Variants in NIPAL3 observed in about 807,000 individuals in gnomAD.
NIPAL3 encodes NIPA-like protein 3.
A neutral mutation model predicts 47.2 loss-of-function variants in NIPAL3; 41 were observed. The ratio of observed to expected loss-of-function variants is 0.87; its 90% CI spans 0.68 to 1.13. NIPAL3 has a LOEUF of 1.13. Among genes scored for constraint, NIPAL3 ranks in the 50% most tolerant of loss-of-function variants. The pLI is 0.00. For missense variants in NIPAL3, 449 were observed against 530.1 expected (o/e 0.85, Z 1.50); for synonymous variants, 194 against 209.6 (o/e 0.93, Z 0.64).
intron 3 of NIPAL3, among the ~76,000 whole-genome samples, chr1:24,441,137 T>C (rs539475838): frequency 6.6e-6 from 1 of 152,270 alleles, no homozygotes; most frequent in South Asian, 2.1e-4. Context: ...CCGGCTTCAC[T>C]CCACCAGCAC....
chr1:24,419,318 CCT>C lies in NIPAL3; in HGVS notation c.-225_-224del. The C allele has an allele frequency of 3.2e-6, 4 of 1,248,934 alleles. No individual in the cohort carries two copies. The highest frequency in any genetic ancestry group is 2.6e-5 in the South Asian group (1 of 38,926). The allele number at this position is 1,248,934 out of a possible 1,614,324, so 77.4% of individuals were successfully genotyped here. A position where few individuals can be genotyped will look rare whatever the true frequency, so the allele number is the denominator to read the frequency against. On this transcript the variant is annotated 5_prime_UTR_variant, in exon 2 of 12. The change creates a premature stop within an existing upstream ORF in the 5' untranslated region. Transcript: ENST00000374399. Reference sequence around the variant, plus strand: ...CACCGCAAGAACTGGAAAACACACCCCTCTCTGTCTGCCTGGGAGAGCCACGG... The same window carrying C: ...CACCGCAAGAACTGGAAAACACACCCCTCTGTCTGCCTGGGAGAGCCACGG...
chr1:24,460,472 C>T lies in NIPAL3; in HGVS notation c.863-9C>T, dbSNP rs1185560604. The T allele has an allele frequency of 1.9e-6, 3 of 1,584,954 alleles. No homozygotes were observed. The highest frequency in any genetic ancestry group is 2.6e-6 in the Non-Finnish European group (3 of 1,168,046). Reference sequence around the variant, plus strand: ...GCTCAGCGGTATTTTCTATGATTTGCTGCTGCAGGTGCAATATTTTACCTG... The same window carrying T: ...GCTCAGCGGTATTTTCTATGATTTGTTGCTGCAGGTGCAATATTTTACCTG... On this transcript the variant is annotated splice_polypyrimidine_tract_variant and intron_variant, in intron 9 of 11. Coordinates refer to ENST00000374399, the MANE Select transcript of NIPAL3 (RefSeq NM_020448.5).
intron 8 of NIPAL3, among the ~76,000 whole-genome samples, 198 bp from the exon 9 acceptor site, chr1:24,458,690 G>T (rs76386073): frequency 0.02 from 3,084 of 152,204 alleles, 105 homozygotes; most frequent in African/African-American, 0.07. Context: ...TGTGTGTCTA[G>T]GGGAAGAGTG....
At chr1:24,422,539 C>G (rs1238500786) in intron 2 of NIPAL3, among the ~76,000 whole-genome samples, 1 of 152,218 alleles carries the variant, frequency 6.6e-6, no homozygotes, top group Non-Finnish European at 1.5e-5. Context: ...CCCCTCGTCT[C>G]TACTCCCCTG....
At chr1:24,466,851 C>T (rs1018140419) in intron 11 of NIPAL3, among the ~76,000 whole-genome samples, 1 of 152,192 alleles carries the variant, frequency 6.6e-6, no homozygotes, top group African/African-American at 2.4e-5. Context: ...CCCCCAAAAT[C>T]CAAAGCACAG....
At chr1:24,428,578 C>T (rs1003684717) in intron 2 of NIPAL3, among the ~76,000 whole-genome samples, 1 of 152,212 alleles carries the variant, frequency 6.6e-6, no homozygotes, top group African/African-American at 2.4e-5. Context: ...TATTTCTACA[C>T]AGTCGTCCAT....
rs771440838 is a variant in NIPAL3, at chr1:24,454,668, A to T, written c.637+1164A>T. The stretch of plus-strand genomic sequence containing the variant: ...AACCATCATCCTAATCTAATTTTAG[A>T]ACATTTTGTCACCCCCAAAAGAAAC... On this transcript the variant is annotated intron_variant, in intron 7 of 11. Transcript: ENST00000374399. The surrounding 1 kb of genome is among the most constrained non-coding windows in gnomAD (Gnocchi z 4.1). 9.4e-6 allele frequency: 6 copies of T among 636,016 alleles called. No individual in the cohort carries two copies. Among genetic ancestry groups the T allele is most frequent in the Non-Finnish European group, 1.2e-5 (6 of 511,012 alleles). 39.4% of individuals were successfully genotyped at this position (636,016 alleles called of 1,614,324 possible).
At chr1:24,418,701 AT>A (rs1258183842) in intron 1 of NIPAL3, among the ~76,000 whole-genome samples, 14 of 152,044 alleles carry the variant, frequency 9.2e-5, no homozygotes, top group Non-Finnish European at 2.1e-4. Context: ...AGGCCACATT[AT>A]TACCCCCACT....
chr1:24,426,973 T>A (rs570651443), intron 2 of NIPAL3, among the ~76,000 whole-genome samples: 2 of 152,350 alleles, frequency 1.3e-5, no homozygotes, highest in East Asian at 1.9e-4. Context: ...AGTCACTGAT[T>A]GCAAGGTGGA....
At position 24,469,421 on chromosome 1, in the gene NIPAL3, C is replaced by G. The variant is rs1646833320; in HGVS notation, c.*236C>G. 1 of 491,236 alleles carries G rather than the reference C, an allele frequency of 2.0e-6. No individual in the cohort carries two copies. Among genetic ancestry groups the G allele is most frequent in the Non-Finnish European group, 3.6e-6 (1 of 275,664 alleles). 30.4% of individuals were successfully genotyped at this position (491,236 alleles called of 1,614,324 possible). On this transcript the variant is annotated 3_prime_UTR_variant, in exon 12 of 12. Transcript: ENST00000374399. ...AGGTGGACGGGATAGAATCCAGCCT[C>G]TGCCTGGATTAGCCCAGGGGGATTT...
chr1:24,460,838 AC>A (rs984922797), intron 10 of NIPAL3, among the ~76,000 whole-genome samples: 6 of 152,210 alleles, frequency 3.9e-5, no homozygotes, highest in Non-Finnish European at 7.3e-5. Context: ...TACATGAGAT[AC>A]CATCATTTTG....
rs1644036331 is a variant in NIPAL3, at chr1:24,416,398, C to CTGGA, written c.-258+494_-258+495insTGGA. The CTGGA allele has an allele frequency of 1.1e-6, 1 of 910,616 alleles. No homozygotes were observed. Among genetic ancestry groups the CTGGA allele is most frequent in the Non-Finnish European group, 1.3e-6 (1 of 761,734 alleles). The allele number at this position is 910,616 out of a possible 1,614,324, so 56.4% of individuals were successfully genotyped here. A position where few individuals can be genotyped will look rare whatever the true frequency, so the allele number is the denominator to read the frequency against. ...CTTGGCAGGGAACTGGCGCTCACCT[C>CTGGA]CAGAAGCCAGATCGTCGGGTGGTGG... On this transcript the variant is annotated intron_variant, in intron 1 of 11. Coordinates refer to ENST00000374399, the MANE Select transcript of NIPAL3 (RefSeq NM_020448.5). The surrounding 1 kb of genome is among the most constrained non-coding windows in gnomAD (Gnocchi z 4.8).
Position 24,419,637 on chromosome 1 carries a change from C to T in NIPAL3, c.90C>T (p.Tyr30=), listed in dbSNP as rs2294521. ...SSAVSEASFS[Y]KENLIGALLA... ...CCGTAAGCGAGGCCTCCTTCTCCTA[C>T]AAGGCAAGGGCTTTTTTGGGGTTTG... Residue 30 remains tyrosine (Y), a synonymous_variant, in exon 2 of 12, where the codon TAC becomes TAT. Coordinates refer to ENST00000374399, the MANE Select transcript of NIPAL3 (RefSeq NM_020448.5). 1,293 of 1,613,648 alleles carry T rather than the reference C, an allele frequency of 8.0e-4. 17 individuals carry two copies. In the East Asian group the frequency reaches 0.025, roughly 31 times the overall value.
intron 8 of NIPAL3, chr1:24,457,633 G>A (rs1646277200): frequency 3.2e-5 from 14 of 434,310 alleles, no homozygotes; most frequent in Middle Eastern, 4.6e-4. Context: ...CTGATGCGGA[G>A]AGAGTAAGAG....
intron 11 of NIPAL3, among the ~76,000 whole-genome samples, chr1:24,467,995 T>C (rs1380275953): frequency 6.6e-6 from 1 of 152,126 alleles, no homozygotes; most frequent in Non-Finnish European, 1.5e-5. Context: ...CTTAATTCCC[T>C]GGCAGGAAAA....
intron 8 of NIPAL3, chr1:24,457,679 T>G (rs1570359022): frequency 2.3e-5 from 12 of 512,120 alleles, no homozygotes; most frequent in Non-Finnish European, 3.6e-5. Context: ...TGAACCCAGG[T>G]GTCTGGCTCC....
At chr1:24,425,053 GC>G (rs888329772) in intron 2 of NIPAL3, among the ~76,000 whole-genome samples, 7 of 152,186 alleles carry the variant, frequency 4.6e-5, no homozygotes, top group African/African-American at 1.2e-4. Context: ...GCTACAGGAA[GC>G]CCCCCAGGCT....
rs1184290404 is a variant in NIPAL3 at position 24,464,192 on chromosome 1, ACAAC to A, written c.1021+77_1021+80del. 9.7e-6 allele frequency: 11 copies of A among 1,139,378 alleles called. No individual in the cohort carries two copies. The Admixed American group carries it at 1.4e-4, about 14-fold the overall frequency. The allele number at this position is 1,139,378 out of a possible 1,614,324, so 70.6% of individuals were successfully genotyped here. On this transcript the variant is annotated intron_variant, in intron 11 of 11. Transcript: ENST00000374399. ...ACTGCTACTTCCTGTTTAAAAAGAG[ACAAC>A]CAACTGCTGTGCTGTGCCTTTATCG...
chr1:24,438,010 G>A (rs1370590435), intron 2 of NIPAL3, among the ~76,000 whole-genome samples: 1 of 152,184 alleles, frequency 6.6e-6, no homozygotes, highest in Non-Finnish European at 1.5e-5. Context: ...GTTAGACAAG[G>A]AGAAACTCCC....
Sources: gnomAD v4.1 joint callset for allele counts (sites outside exome capture counted in the v4.1 genomes callset) on GRCh38, gnomAD v4.1.1 for gene constraint, Gnocchi (gnomAD v3.1) non-coding constraint, MANE v1.5 for transcripts, NCBI Gene and HGNC (gene_info 2026-07-23, HGNC 2026-07-21) for gene names.